The following NDST1 variants were observed in gnomAD, a reference collection of about 807,000 sequenced individuals.
NDST1 encodes the protein N-deacetylase and N-sulfotransferase 1, also known as bifunctional heparan sulfate N-deacetylase/N-sulfotransferase 1.
A neutral mutation model predicts 92.8 loss-of-function variants in NDST1; 35 were observed. The ratio of observed to expected loss-of-function variants is 0.38; its 90% CI spans 0.29 to 0.50. The LOEUF (loss-of-function observed/expected upper bound fraction) is 0.50, where lower values mean the gene tolerates loss of function less well. Ranked by LOEUF, NDST1 falls within the 20% of genes least tolerant of loss-of-function variation. The probability of loss-of-function intolerance (pLI) is 0.94; values close to 1 mark genes in which losing one functional copy is unlikely to be tolerated. For synonymous variants in NDST1, 493 were observed against 500.3 expected, an observed-to-expected ratio of 0.99 and a Z score of 0.19; for missense variants, 822 against 1,182.7, an observed-to-expected ratio of 0.69 and a Z score of 4.47.
Position 150,521,610 on chromosome 5 carries a change from A to G in NDST1, c.356A>G (p.Lys119Arg). Reference protein sequence around the residue: ...FKYRTEIAPGKGDMPTLTDKG... With the variant: ...FKYRTEIAPGRGDMPTLTDKG... ...TACCGCACAGAGATTGCGCCGGGCA[A>G]GGGTGACATGCCCACGCTCACTGAC... The change falls in exon 2 of 15, where the codon AAG becomes AGG. Residue 119 changes from lysine (K) to arginine (R), a missense_variant. By Grantham distance (26) the Lys-to-Arg change is conservative (BLOSUM62 2). Transcript: ENST00000261797. The surrounding 1 kb of genome is among the most constrained non-coding windows in gnomAD (Gnocchi z 5.9). The G allele has an allele frequency of 6.2e-7, 1 of 1,614,046 alleles. No homozygotes were observed. Among genetic ancestry groups the G allele is most frequent in the East Asian group, 2.2e-5 (1 of 44,866 alleles).
chr5:150,546,903 A>G (rs1317990259), intron 11 of NDST1, among the ~76,000 whole-genome samples: 1 of 152,096 alleles, frequency 6.6e-6, no homozygotes, highest in Non-Finnish European at 1.5e-5. Flanking sequence ...ACACTTGTCA[A>G]GTGTTTCTGT....
intron 1 of NDST1, among the ~76,000 whole-genome samples, chr5:150,510,083 C>T (rs762335453): frequency 2.4e-4 from 36 of 152,068 alleles, no homozygotes; most frequent in Non-Finnish European, 4.9e-4. Context: ...GGAGGGGCAT[C>T]CTAGCTCCAC....
chr5:150,522,529 C>T (rs1016151679), intron 2 of NDST1, among the ~76,000 whole-genome samples: 1 of 152,194 alleles, frequency 6.6e-6, no homozygotes, highest in African/African-American at 2.4e-5. Flanking sequence ...CTAGCTGGGA[C>T]TCTTAGTTGG....
intron 2 of NDST1, among the ~76,000 whole-genome samples, chr5:150,525,973 C>T (rs1754458713): frequency 6.6e-6 from 1 of 152,214 alleles, no homozygotes; most frequent in African/African-American, 2.4e-5. Context: ...CTTCAATCCT[C>T]CAGCACCCTG....
intron 1 of NDST1, among the ~76,000 whole-genome samples, chr5:150,517,417 G>T (rs912029223): frequency 6.6e-5 from 10 of 151,966 alleles, no homozygotes; most frequent in Admixed American, 1.3e-4. Context: ...GGGGACTGCA[G>T]GTGTGAGCCA....
intron 1 of NDST1, among the ~76,000 whole-genome samples, chr5:150,514,724 C>G (rs1404999877): frequency 5.3e-5 from 8 of 152,080 alleles, no homozygotes; most frequent in Non-Finnish European, 1.0e-4. Flanking sequence ...GGAAGGAAAC[C>G]CATTTGAGTC....
Position 150,536,374 on chromosome 5 carries a change from T to C in NDST1, c.1437+489T>C, listed in dbSNP as rs59125912. 8.1e-3 allele frequency among the ~76,000 whole-genome samples: 1,223 copies of C among 151,556 alleles called. 18 individuals are homozygous for C. The highest frequency in any genetic ancestry group is 0.028 in the African/African-American group (1,138 of 41,322). On this transcript the variant is annotated intron_variant, in intron 6 of 14. Coordinates refer to ENST00000261797, the MANE Select transcript of NDST1 (RefSeq NM_001543.5). Reference sequence around the variant, plus strand: ...CCTGGTGATTAGCCAGGTGTGGTGGTGCATGCCTGTAGTCCCAGCTACTTG... The same window carrying C: ...CCTGGTGATTAGCCAGGTGTGGTGGCGCATGCCTGTAGTCCCAGCTACTTG...
chr5:150,512,199 A>T (rs1464557606), intron 1 of NDST1, among the ~76,000 whole-genome samples: 1 of 152,072 alleles, frequency 6.6e-6, no homozygotes, highest in Admixed American at 6.5e-5. Flanking sequence ...CCAGATGCCT[A>T]TGATGATGCC....
At chr5:150,505,438 A>G (rs149623838), upstream of NDST1, among the ~76,000 whole-genome samples, 13 of 152,302 alleles carry the variant, frequency 8.5e-5, no homozygotes, top group African/African-American at 2.9e-4. Context: ...TCAGCTAAGC[A>G]CTTCCCAACA....
At chr5:150,525,336 G>C (rs1478782369) in intron 2 of NDST1, among the ~76,000 whole-genome samples, 2 of 152,216 alleles carry the variant, frequency 1.3e-5, no homozygotes, top group East Asian at 3.9e-4. Context: ...CTGGCAGTCA[G>C]CTCAGGGTCG....
At chr5:150,535,426 A>T in intron 5 of NDST1, 1 of 977,298 alleles carries the variant, frequency 1.0e-6, no homozygotes, top group African/African-American at 1.7e-5. Context: ...CCCTCACTAC[A>T]GGGTACTTGA....
chr5:150,514,769 C>T (rs2151258660), intron 1 of NDST1, among the ~76,000 whole-genome samples: 1 of 152,256 alleles, frequency 6.6e-6, no homozygotes, highest in South Asian at 2.1e-4. Context: ...TGTGGCAAGT[C>T]ACTTCACCTT....
chr5:150,553,846 A>G lies in NDST1; in HGVS notation c.*514A>G, dbSNP rs1581417775. On this transcript the variant is annotated 3_prime_UTR_variant, in exon 15 of 15. Coordinates refer to ENST00000261797, the MANE Select transcript of NDST1 (RefSeq NM_001543.5). This position sits in a 1 kb window ranked among gnomAD's most constrained non-coding sequence, Gnocchi z 4.2. ...CGGAGTCAGTCCTAGGCTGGATGGGAGGGTGGCCCCCTCAAGAGGACTCCC... is the reference window on the plus strand; with the variant it reads ...CGGAGTCAGTCCTAGGCTGGATGGGGGGGTGGCCCCCTCAAGAGGACTCCC... The G allele has an allele frequency of 2.3e-6, 1 of 431,796 alleles. No individual in the cohort carries two copies. The highest frequency in any genetic ancestry group is 3.4e-5 in the East Asian group (1 of 29,368). The allele number at this position is 431,796 out of a possible 1,614,324, so 26.7% of individuals were successfully genotyped here. A position where few individuals can be genotyped will look rare whatever the true frequency, so the allele number is the denominator to read the frequency against.
chr5:150,540,871 G>T (rs137891577), intron 8 of NDST1, among the ~76,000 whole-genome samples: 5 of 152,226 alleles, frequency 3.3e-5, no homozygotes, highest in African/African-American at 1.2e-4. Context: ...GAAAGTGAAT[G>T]CGTTGTCTTG....
In NDST1 at chr5:150,521,446, C is replaced by T; in HGVS notation, c.192C>T (p.Pro64=). The T allele has an allele frequency of 2.5e-6, 4 of 1,613,430 alleles. No individual in the cohort carries two copies. Among genetic ancestry groups the T allele is most frequent in the Non-Finnish European group, 3.4e-6 (4 of 1,179,946 alleles). ...GCGGGGACCCGCCGCCTGTGGCCCC[C>T]AGTCGCCTGCTGCCACTCAAGCCTG... is the stretch of plus-strand genomic sequence containing the variant. The part of the protein sequence containing the change: ...PDCGDPPPVA[P]SRLLPLKPVQ... The change falls in exon 2 of 15, where the codon CCC becomes CCT. Residue 64 remains proline (P), a synonymous_variant. Coordinates refer to ENST00000261797, the MANE Select transcript of NDST1 (RefSeq NM_001543.5). This position sits in a 1 kb window ranked among gnomAD's most constrained non-coding sequence, Gnocchi z 5.9.
Position 150,521,908 on chromosome 5 carries a change from A to G in NDST1, c.513+141A>G. The G allele has an allele frequency of 9.0e-7, 1 of 1,111,346 alleles. No homozygotes were observed. Among genetic ancestry groups the G allele is most frequent in the East Asian group, 2.5e-5 (1 of 39,802 alleles). The allele number at this position is 1,111,346 out of a possible 1,614,324, so 68.8% of individuals were successfully genotyped here. A position where few individuals can be genotyped will look rare whatever the true frequency, so the allele number is the denominator to read the frequency against. Reference sequence around the variant, plus strand: ...GGGTTAAATGAGTGAGTATATGTAAAGCACTGGGAGCATGCGGTGCCCACT... The same window carrying G: ...GGGTTAAATGAGTGAGTATATGTAAGGCACTGGGAGCATGCGGTGCCCACT... On this transcript the variant is annotated intron_variant, in intron 2 of 14. Transcript: ENST00000261797. The surrounding 1 kb of genome is among the most constrained non-coding windows in gnomAD (Gnocchi z 5.9).
At chr5:150,499,438 T>C (rs762416863) in intron 1 of NDST1, among the ~76,000 whole-genome samples, 7 of 152,180 alleles carry the variant, frequency 4.6e-5, no homozygotes, top group Non-Finnish European at 1.0e-4. Flanking sequence ...TGAACCACTT[T>C]CTCTCCTACC....
intron 2 of NDST1, among the ~76,000 whole-genome samples, chr5:150,525,227 C>T (rs1302860353): frequency 6.6e-6 from 1 of 152,206 alleles, no homozygotes; most frequent in Non-Finnish European, 1.5e-5. Flanking sequence ...CCCTCTATTC[C>T]CTTCTTGCCT....
At chr5:150,518,333 G>A (rs890559235) in intron 1 of NDST1, among the ~76,000 whole-genome samples, 8 of 147,840 alleles carry the variant, frequency 5.4e-5, no homozygotes, top group Non-Finnish European at 7.4e-5. Flanking sequence ...CCCCTGCATT[G>A]CAGATGCCTA....
Sources: gnomAD v4.1 joint callset for allele counts (sites outside exome capture counted in the v4.1 genomes callset) on GRCh38, gnomAD v4.1.1 for gene constraint, Gnocchi (gnomAD v3.1) non-coding constraint, MANE v1.5 for transcripts, NCBI Gene and HGNC (gene_info 2026-07-23, HGNC 2026-07-21) for gene names.